SCP2: variants seen among roughly 807,000 people sequenced by gnomAD.
The protein encoded by SCP2 is SCP-2/3-oxoacyl-CoA thiolase.
Under a neutral mutation model 71.4 loss-of-function variants are expected in SCP2, and 48 were observed. That is an observed-to-expected ratio of 0.67 (90% CI 0.53 to 0.86). The LOEUF is 0.86. Ranked by LOEUF, SCP2 falls within the 40% of genes least tolerant of loss-of-function variation. The pLI, the probability that SCP2 is intolerant of heterozygous loss-of-function variation, is 0.00. For synonymous variants in SCP2, 220 were observed against 218.1 expected, an observed-to-expected ratio of 1.01 and a Z score of -0.08; for missense variants, 560 against 655.6, an observed-to-expected ratio of 0.85 and a Z score of 1.59.
intron 13 of SCP2, among the ~76,000 whole-genome samples, chr1:53,030,220 T>A (rs1662436996): frequency 6.6e-6 from 1 of 152,200 alleles, no homozygotes; most frequent in Admixed American, 6.5e-5. Flanking sequence ...TAGTATGTAT[T>A]CATATGTATT....
At chr1:52,960,580 A>ATATG (rs1177400230) in intron 5 of SCP2, among the ~76,000 whole-genome samples, 6 of 147,156 alleles carry the variant, frequency 4.1e-5, no homozygotes, top group Non-Finnish European at 5.9e-5. Flanking sequence ...ATATATGTAT[A>ATATG]TATGTATGTA....
At chr1:52,989,705 C>G (rs76441238) in intron 11 of SCP2, among the ~76,000 whole-genome samples, 2,760 of 152,112 alleles carry the variant, frequency 0.018, 89 homozygotes, top group African/African-American at 0.063. Context: ...AGGCAATTGT[C>G]GAGAAAAATC....
intron 2 of SCP2, among the ~76,000 whole-genome samples, chr1:52,946,748 C>T (rs1267083810): frequency 7.3e-6 from 1 of 136,338 alleles, no homozygotes; most frequent in Non-Finnish European, 1.6e-5. Context: ...ATTTCAAATA[C>T]ATTTATATGT....
intron 11 of SCP2, among the ~76,000 whole-genome samples, chr1:52,990,239 C>G (rs1659347970): frequency 6.7e-6 from 1 of 149,952 alleles, no homozygotes; most frequent in African/African-American, 2.5e-5. Flanking sequence ...TTTAGAGAAG[C>G]TACATTATTT....
intron 1 of SCP2, among the ~76,000 whole-genome samples, chr1:52,937,434 G>A (rs976047319): frequency 6.6e-6 from 1 of 152,108 alleles, no homozygotes; most frequent in African/African-American, 2.4e-5. Flanking sequence ...AGGCCCTCTT[G>A]TGTCCTCTTC....
At position 52,954,792 on chromosome 1, in the gene SCP2, C is replaced by A; in HGVS notation, c.384C>A (p.Ser128Arg). 1 of 1,613,044 alleles carries A rather than the reference C, an allele frequency of 6.2e-7. No individual in the cohort carries two copies. Among genetic ancestry groups the A allele is most frequent in the Non-Finnish European group, 8.5e-7 (1 of 1,179,140 alleles). Residue 128 changes from serine to arginine, a missense_variant, in exon 5 of 16, where the codon AGC becomes AGA. Transcript: ENST00000371514. ...ALGFEKMSKG[S>R]LGIKFSDRTI... ...GGTTTGAGAAGATGAGTAAGGGAAG[C>A]CTTGGAATAAAAGTGAGTGTTATTT...
At chr1:52,971,624 A>G (rs771898713) in intron 6 of SCP2, among the ~76,000 whole-genome samples, 1 of 152,244 alleles carries the variant, frequency 6.6e-6, no homozygotes, top group Non-Finnish European at 1.5e-5. Context: ...TCAACAAAGT[A>G]TGGAACAGCC....
intron 8 of SCP2, 124 bp downstream of exon 8, chr1:52,976,893 G>A (rs1450615870): frequency 1.8e-5 from 12 of 671,278 alleles, no homozygotes; most frequent in African/African-American, 1.1e-4. Context: ...TCCCAGTGCC[G>A]TCCCCACTCT....
intron 11 of SCP2, among the ~76,000 whole-genome samples, chr1:53,005,980 A>G (rs1660616079): frequency 6.6e-6 from 1 of 152,234 alleles, no homozygotes; most frequent in Non-Finnish European, 1.5e-5. Flanking sequence ...TATGTGACAC[A>G]TGCCAAAGCT....
At position 52,988,209 on chromosome 1, in the gene SCP2, T is replaced by C. The variant is rs543565226; in HGVS notation, c.1081+73T>C. 2.5e-5 allele frequency: 20 copies of C among 793,012 alleles called. No homozygotes were observed. The South Asian group carries it at 2.6e-4, about 10-fold the overall frequency. The allele number at this position is 793,012 out of a possible 1,614,324, so 49.1% of individuals were successfully genotyped here. On this transcript the variant is annotated intron_variant, in intron 11 of 15. Transcript: ENST00000371514. ...AAGTGTGAATGAGTTAGTCTTTCATTTGAATGAAAGATTATATTCTCTGAA... is the reference window on the plus strand; with the variant it reads ...AAGTGTGAATGAGTTAGTCTTTCATCTGAATGAAAGATTATATTCTCTGAA...
chr1:52,933,222 C>A (rs540578950), intron 1 of SCP2, among the ~76,000 whole-genome samples: 1 of 152,218 alleles, frequency 6.6e-6, no homozygotes, highest in African/African-American at 2.4e-5. Flanking sequence ...GATTCAGGAG[C>A]CAACCTGTAG....
chr1:52,951,678 T>G (rs1055994992), intron 4 of SCP2, among the ~76,000 whole-genome samples: 1 of 151,954 alleles, frequency 6.6e-6, no homozygotes, highest in Non-Finnish European at 1.5e-5. Flanking sequence ...GTTTTTTGTA[T>G]ATTCACAGAA....
At chr1:52,964,779 C>T (rs959426333) in intron 6 of SCP2, among the ~76,000 whole-genome samples, 3 of 152,048 alleles carry the variant, frequency 2.0e-5, no homozygotes, top group African/African-American at 7.2e-5. Context: ...CTTTGGGAGG[C>T]CAAGGCGGAC....
At chr1:52,943,304 G>A (rs1348956593) in intron 2 of SCP2, among the ~76,000 whole-genome samples, 2 of 150,674 alleles carry the variant, frequency 1.3e-5, no homozygotes, top group African/African-American at 4.9e-5. Flanking sequence ...CTCACTGCAA[G>A]CTCCGCCTCC....
intron 15 of SCP2, 33 bp from the exon 16 acceptor site, chr1:53,050,576 C>T (rs1299639856): frequency 7.1e-7 from 1 of 1,412,898 alleles, no homozygotes. Flanking sequence ...AACAAAAAAA[C>T]ACCAAGTAAT....
intron 7 of SCP2, 80 bp downstream of exon 7, chr1:52,974,912 A>C: frequency 1.3e-6 from 1 of 778,658 alleles, no homozygotes; most frequent in Non-Finnish European, 2.4e-6. Context: ...TTGAAAAGCA[A>C]ATGCCAAGAT....
At chr1:52,965,811 T>G (rs962853691) in intron 6 of SCP2, among the ~76,000 whole-genome samples, 5 of 128,118 alleles carry the variant, frequency 3.9e-5, no homozygotes, top group South Asian at 2.3e-4. Flanking sequence ...ATTTTTGTAG[T>G]TTTTTTTTTT....
At chr1:53,008,135 T>G (rs1023089700) in intron 11 of SCP2, among the ~76,000 whole-genome samples, 2 of 152,068 alleles carry the variant, frequency 1.3e-5, no homozygotes, top group African/African-American at 4.8e-5. Context: ...AGGCAATAAT[T>G]AATAGCCTAC....
chr1:53,048,833 A>G (rs1396563247), intron 15 of SCP2: 2 of 152,192 alleles, frequency 1.3e-5, no homozygotes, highest in African/African-American at 4.8e-5. Flanking sequence ...AACTTGATAT[A>G]TACTGAGCTT....
Sources: gnomAD v4.1 joint callset for allele counts (sites outside exome capture counted in the v4.1 genomes callset) on GRCh38, gnomAD v4.1.1 for gene constraint, MANE v1.5 for transcripts, NCBI Gene and HGNC (gene_info 2026-07-23, HGNC 2026-07-21) for gene names.